Variants in PTPRM observed in about 807,000 individuals in gnomAD.
PTPRM encodes protein tyrosine phosphatase receptor type M.
PTPRM carries 47 observed loss-of-function variants against 186.7 expected under a neutral mutation model. The ratio of observed to expected loss-of-function variants is 0.25; its 90% CI spans 0.20 to 0.32. The LOEUF is 0.32. PTPRM is among the 10% of genes least tolerant of loss of function. PTPRM has a pLI of 1.00. For missense variants in PTPRM, 1,494 were observed against 1,865.0 expected, an observed-to-expected ratio of 0.80 and a Z score of 3.66; for synonymous variants, 668 against 674.9, an observed-to-expected ratio of 0.99 and a Z score of 0.16.
intron 1 of PTPRM, among the ~76,000 whole-genome samples, chr18:7,698,431 A>G (rs976320892): frequency 6.6e-6 from 1 of 152,224 alleles, no homozygotes; most frequent in East Asian, 1.9e-4. Flanking sequence ...CTCTCAATTT[A>G]TATCATTACT....
At chr18:8,010,050 A>C (rs1344081684) in intron 7 of PTPRM, among the ~76,000 whole-genome samples, 1 of 152,220 alleles carries the variant, frequency 6.6e-6, no homozygotes, top group African/African-American at 2.4e-5. Context: ...TCTTATATGT[A>C]AGTATCTGTT....
intron 1 of PTPRM, among the ~76,000 whole-genome samples, chr18:7,657,963 G>T (rs916565327): frequency 1.3e-5 from 2 of 152,054 alleles, no homozygotes; most frequent in South Asian, 4.1e-4. Context: ...ACATCATGAT[G>T]TTTCGATACA....
chr18:7,824,569 ATTTAC>A (rs1334306573), intron 2 of PTPRM, among the ~76,000 whole-genome samples: 2 of 151,242 alleles, frequency 1.3e-5, no homozygotes, highest in African/African-American at 4.9e-5. Context: ...TTCTTTTTCT[ATTTAC>A]TTATTTTTCC....
chr18:8,154,607 T>G (rs2093081079), intron 14 of PTPRM: 1 of 152,220 alleles, frequency 6.6e-6, no homozygotes, highest in African/African-American at 2.4e-5. Flanking sequence ...CATTGTCAAT[T>G]ATTAGCTAAG....
At chr18:7,629,891 G>A (rs1312033791) in intron 1 of PTPRM, among the ~76,000 whole-genome samples, 1 of 152,108 alleles carries the variant, frequency 6.6e-6, no homozygotes, top group Non-Finnish European at 1.5e-5. Context: ...GCAGTGGACT[G>A]GTTAATAGAC....
intron 1 of PTPRM, among the ~76,000 whole-genome samples, chr18:7,693,766 A>C (rs1183902802): frequency 6.6e-6 from 1 of 152,162 alleles, no homozygotes; most frequent in Non-Finnish European, 1.5e-5. Flanking sequence ...CTGGGAAGAC[A>C]TCATGGAGGA....
Position 7,794,340 on chromosome 18 carries a change from G to A in PTPRM, c.196+20069G>A, listed in dbSNP as rs115287003. Among the ~76,000 whole-genome samples, 1,473 of 152,232 alleles carry A rather than the reference G, an allele frequency of 9.7e-3. 28 individuals are homozygous for A. Among genetic ancestry groups the A allele is most frequent in the African/African-American group, 0.032 (1,312 of 41,538 alleles). On this transcript the variant is annotated intron_variant, in intron 2 of 32. Coordinates refer to ENST00000580170, the MANE Select transcript of PTPRM (RefSeq NM_001105244.2). ...CACCCCTAGACACTGCTCTGGGGTC[G>A]GAGCCCCTCACACTGCCTGTCTGTA...
At chr18:7,862,604 G>C (rs2047449746) in intron 2 of PTPRM, among the ~76,000 whole-genome samples, 1 of 152,106 alleles carries the variant, frequency 6.6e-6, no homozygotes, top group Non-Finnish European at 1.5e-5. Flanking sequence ...GGAGATGGAG[G>C]GTAAGAAAAG....
chr18:7,802,874 A>T (rs970681773), intron 2 of PTPRM, among the ~76,000 whole-genome samples: 22 of 152,164 alleles, frequency 1.4e-4, no homozygotes, highest in African/African-American at 4.3e-4. Context: ...ATGTAAAAAA[A>T]CTCAGGGAAG....
chr18:7,800,094 C>T (rs1446700293), intron 2 of PTPRM, among the ~76,000 whole-genome samples: 1 of 152,066 alleles, frequency 6.6e-6, no homozygotes, highest in South Asian at 2.1e-4. Context: ...TAAAGTTGTC[C>T]CAGCTACTGC....
At chr18:7,623,900 C>T (rs550196930) in intron 1 of PTPRM, among the ~76,000 whole-genome samples, 90 of 152,236 alleles carry the variant, frequency 5.9e-4, no homozygotes, top group African/African-American at 2.1e-3. Flanking sequence ...AACCCCAGCT[C>T]TTTCTTGCTG....
At chr18:7,685,242 A>G (rs946458042) in intron 1 of PTPRM, among the ~76,000 whole-genome samples, 1 of 152,170 alleles carries the variant, frequency 6.6e-6, no homozygotes, top group African/African-American at 2.4e-5. Context: ...CTGCTGGAAC[A>G]AGCCCAAGCT....
At chr18:7,610,850 A>G (rs2143847494) in intron 1 of PTPRM, among the ~76,000 whole-genome samples, 1 of 152,336 alleles carries the variant, frequency 6.6e-6, no homozygotes, top group African/African-American at 2.4e-5. Flanking sequence ...TAATTAAATA[A>G]AAAGTAACCT....
At chr18:7,967,674 G>A (rs1386853645) in intron 7 of PTPRM, among the ~76,000 whole-genome samples, 1 of 133,076 alleles carries the variant, frequency 7.5e-6, no homozygotes, top group Non-Finnish European at 1.6e-5. Flanking sequence ...AGCCTCAGGA[G>A]CCGATGCGAT....
At position 8,076,519 on chromosome 18, in the gene PTPRM, G is replaced by A. The variant is rs773361900; in HGVS notation, c.1506G>A (p.Gln502=). 1 of 1,609,608 alleles carries A rather than the reference G, an allele frequency of 6.2e-7. No individual in the cohort carries two copies. The highest frequency in any genetic ancestry group is 2.2e-5 in the East Asian group (1 of 44,694). ...CCTTTGAAGAGAAGATATTTCTTCA[G>A]TGGAGAGAACCAACTCAAACATATG... ...GSTFEEKIFL[Q]WREPTQTYGV... Residue 502 remains glutamine (Q), a synonymous_variant, in exon 9 of 33, where the codon CAG becomes CAA. Transcript: ENST00000580170.
chr18:8,285,604 C>T (rs1269591864), intron 19 of PTPRM, among the ~76,000 whole-genome samples: 1 of 152,178 alleles, frequency 6.6e-6, no homozygotes. Context: ...GCCTCAGGCT[C>T]CGAAGTAGTC....
intron 11 of PTPRM, among the ~76,000 whole-genome samples, chr18:8,102,308 T>C (rs867515866): frequency 1.3e-5 from 2 of 152,210 alleles, no homozygotes; most frequent in South Asian, 4.1e-4. Context: ...TCAGTTGACT[T>C]TGCTTTTCGC....
At chr18:7,878,840 A>C (rs555948059) in intron 2 of PTPRM, among the ~76,000 whole-genome samples, 5 of 152,202 alleles carry the variant, frequency 3.3e-5, no homozygotes, top group Non-Finnish European at 7.3e-5. Context: ...TCTGAGATTT[A>C]CAACAGAAAC....
chr18:7,578,542 A>G (rs918282331), intron 1 of PTPRM, among the ~76,000 whole-genome samples: 25 of 151,824 alleles, frequency 1.6e-4, no homozygotes, highest in Middle Eastern at 3.4e-3. Context: ...TCACTGTGTT[A>G]GCCAGGATGG....
Sources: allele counts gnomAD v4.1 joint callset (sites outside exome capture counted in the v4.1 genomes callset), GRCh38; gene constraint gnomAD v4.1.1; transcripts MANE v1.5; gene names NCBI Gene and HGNC (gene_info 2026-07-23, HGNC 2026-07-21).